PTPRD: variants seen among roughly 807,000 people sequenced by gnomAD.
The protein encoded by PTPRD is receptor-type tyrosine-protein phosphatase delta.
In PTPRD, 34 loss-of-function variants were observed where a neutral mutation model predicts 214.5. The observed-to-expected ratio is 0.16, with a 90% CI of 0.12 to 0.21. PTPRD has a LOEUF of 0.21. Among genes scored for constraint, PTPRD ranks in the 10% least tolerant of loss-of-function variants. The pLI is 1.00. For missense variants in PTPRD, 2,545 were observed against 2,398.7 expected, an observed-to-expected ratio of 1.06 and a Z score of -1.27; for synonymous variants, 1,128 against 845.7, an observed-to-expected ratio of 1.33 and a Z score of -5.79.
chr9:10,449,835 A>G (rs1400734284), intron 2 of PTPRD, among the ~76,000 whole-genome samples: 1 of 151,930 alleles, frequency 6.6e-6, no homozygotes, highest in East Asian at 1.9e-4. Flanking sequence ...GAGAGATCAG[A>G]TTGTTACTGT....
intron 14 of PTPRD, among the ~76,000 whole-genome samples, chr9:8,612,124 A>G (rs989035857): frequency 7.9e-5 from 12 of 152,132 alleles, no homozygotes; most frequent in Non-Finnish European, 1.5e-4. Flanking sequence ...AAACAAAACA[A>G]AACAAAACAA....
intron 11 of PTPRD, among the ~76,000 whole-genome samples, chr9:8,738,459 A>G (rs2091054394): frequency 6.6e-6 from 1 of 152,162 alleles, no homozygotes; most frequent in African/African-American, 2.4e-5. Context: ...CCCTTAGAAA[A>G]TGGCAGATTA....
rs191380694 is a variant in PTPRD at position 8,966,027 on chromosome 9, C to A, written c.-104+52670G>T. On this transcript the variant is annotated intron_variant, in intron 11 of 45. Transcript: ENST00000381196. ...GCTAAGAGAAATCAAGAATACAATC[C>A]CATTTATAATAGCTGCACATGCACA... Among the ~76,000 whole-genome samples, 521 of 152,006 alleles carry A rather than the reference C, an allele frequency of 3.4e-3. 6 individuals are homozygous for A. Among genetic ancestry groups the A allele is most frequent in the Admixed American group, 0.03 (459 of 15,244 alleles).
intron 4 of PTPRD, among the ~76,000 whole-genome samples, chr9:9,958,238 C>T (rs1229791125): frequency 1.3e-5 from 2 of 152,050 alleles, no homozygotes; most frequent in Admixed American, 1.3e-4. Flanking sequence ...TTATTAAAAA[C>T]TTATGCTGTG....
intron 2 of PTPRD, among the ~76,000 whole-genome samples, chr9:10,496,153 G>C (rs1002689991): frequency 6.6e-6 from 1 of 151,566 alleles, no homozygotes; most frequent in Non-Finnish European, 1.5e-5. Flanking sequence ...TTAATTATTA[G>C]TGATGGCTAT....
chr9:9,711,502 A>G (rs2097728826), intron 7 of PTPRD, among the ~76,000 whole-genome samples: 1 of 152,174 alleles, frequency 6.6e-6, no homozygotes, highest in East Asian at 1.9e-4. Flanking sequence ...AATAATAATA[A>G]TTATAATTAG....
chr9:9,908,809 T>C (rs2078357730), intron 5 of PTPRD, among the ~76,000 whole-genome samples: 1 of 152,074 alleles, frequency 6.6e-6, no homozygotes, highest in South Asian at 2.1e-4. Flanking sequence ...TTTTTGAAAA[T>C]AGGCACTCAT....
chr9:8,556,401 A>G (rs539797596), intron 14 of PTPRD, among the ~76,000 whole-genome samples: 1 of 152,206 alleles, frequency 6.6e-6, no homozygotes, highest in Non-Finnish European at 1.5e-5. Context: ...TACACTAACA[A>G]CAACAAAAAT....
chr9:9,209,439 A>C (rs1271457368), intron 9 of PTPRD, among the ~76,000 whole-genome samples: 1 of 152,186 alleles, frequency 6.6e-6, no homozygotes, highest in Non-Finnish European at 1.5e-5. Flanking sequence ...AAGACATTAT[A>C]AGGTAATTGA....
chr9:10,024,704 T>A (rs1018041022), intron 4 of PTPRD, among the ~76,000 whole-genome samples: 1 of 151,402 alleles, frequency 6.6e-6, no homozygotes, highest in African/African-American at 2.4e-5. Flanking sequence ...TACGTATACA[T>A]GTGCCATGTT....
chr9:9,016,367 T>C (rs1018776685), intron 11 of PTPRD, among the ~76,000 whole-genome samples: 1 of 152,168 alleles, frequency 6.6e-6, no homozygotes, highest in Admixed American at 6.6e-5. Context: ...ATTCCAATTC[T>C]TTCTCTTTTC....
intron 2 of PTPRD, among the ~76,000 whole-genome samples, chr9:10,488,720 C>G (rs984362006): frequency 6.6e-6 from 1 of 152,136 alleles, no homozygotes; most frequent in Non-Finnish European, 1.5e-5. Context: ...GCAGAGAACT[C>G]TCATCAACGG....
chr9:8,350,141 A>T (rs1364247937), intron 39 of PTPRD, among the ~76,000 whole-genome samples: 1 of 152,158 alleles, frequency 6.6e-6, no homozygotes, highest in African/African-American at 2.4e-5. Flanking sequence ...ATGTCCCGTG[A>T]TGTGATACAG....
chr9:8,976,783 T>C (rs2099270252), intron 11 of PTPRD, among the ~76,000 whole-genome samples: 2 of 152,118 alleles, frequency 1.3e-5, no homozygotes. Flanking sequence ...TTGGAGAGTA[T>C]TCCTAAATGG....
At chr9:8,336,485 A>AAAAAAAG (rs1450585388) in intron 43 of PTPRD, among the ~76,000 whole-genome samples, 1 of 150,070 alleles carries the variant, frequency 6.7e-6, no homozygotes, top group African/African-American at 2.4e-5. Flanking sequence ...TAAAATGATG[A>AAAAAAAG]AAACCCCTAG....
chr9:9,265,076 T>C (rs1323551395), intron 9 of PTPRD, among the ~76,000 whole-genome samples: 1 of 151,706 alleles, frequency 6.6e-6, no homozygotes, highest in African/African-American at 2.4e-5. Context: ...ATGCTATTAG[T>C]AATATGAAAA....
At chr9:9,369,532 T>C (rs1348660797) in intron 9 of PTPRD, among the ~76,000 whole-genome samples, 1 of 152,148 alleles carries the variant, frequency 6.6e-6, no homozygotes, top group Non-Finnish European at 1.5e-5. Context: ...ATGGGTAGAT[T>C]GCAAACATTT....
intron 33 of PTPRD, among the ~76,000 whole-genome samples, chr9:8,452,476 G>A (rs2095998889): frequency 2.6e-5 from 4 of 152,166 alleles, no homozygotes; most frequent in Non-Finnish European, 5.9e-5. Context: ...GGCCCAACAT[G>A]AATGTAACTA....
intron 3 of PTPRD, among the ~76,000 whole-genome samples, chr9:10,312,223 C>G (rs1001885646): frequency 4.0e-5 from 6 of 151,896 alleles, no homozygotes; most frequent in African/African-American, 1.4e-4. Context: ...TACTCCAGTG[C>G]CAACATTGGA....
Sources: allele counts gnomAD v4.1 joint callset (sites outside exome capture counted in the v4.1 genomes callset), GRCh38; gene constraint gnomAD v4.1.1; transcripts MANE v1.5; gene names NCBI Gene and HGNC (gene_info 2026-07-23, HGNC 2026-07-21).